Variants in PCDHGA8 observed in about 807,000 individuals in gnomAD.
PCDHGA8 encodes the protein protocadherin gamma subfamily A, 8, also known as protocadherin gamma-A8.
A neutral mutation model predicts 59.2 loss-of-function variants in PCDHGA8; 45 were observed. That is an observed-to-expected ratio of 0.76 (90% CI 0.60 to 0.98). The LOEUF (loss-of-function observed/expected upper bound fraction) is 0.98, where lower values mean the gene tolerates loss of function less well. PCDHGA8 is among the 50% of genes least tolerant of loss of function. The pLI is 0.00. For missense variants in PCDHGA8, 1,257 were observed against 1,196.2 expected, an observed-to-expected ratio of 1.05 and a Z score of -0.75; for synonymous variants, 531 against 519.0, an observed-to-expected ratio of 1.02 and a Z score of -0.32.
Position 141,431,690 on chromosome 5 carries a change from G to A in PCDHGA8, c.2424+36453G>A. 1.2e-6 allele frequency: 2 copies of A among 1,614,234 alleles called. No individual in the cohort carries two copies. Among genetic ancestry groups the A allele is most frequent in the Non-Finnish European group, 8.5e-7 (1 of 1,180,040 alleles). On this transcript the variant is annotated intron_variant, in intron 1 of 3. Coordinates refer to ENST00000398604, the MANE Select transcript of PCDHGA8 (RefSeq NM_032088.2). The surrounding 1 kb of genome is among the most constrained non-coding windows in gnomAD (Gnocchi z 4.8). ...AACAATAGGGGAGTTGGACCACGAG[G>A]AGTCAGGATTCTACCAGATGGAAGT... is the stretch of plus-strand genomic sequence containing the variant.
chr5:141,399,210 A>G, intron 1 of PCDHGA8: 2 of 1,613,974 alleles, frequency 1.2e-6, no homozygotes, highest in Non-Finnish European at 1.7e-6. Context: ...CTGGAACACT[A>G]ATTGCTTTGA....
intron 1 of PCDHGA8, among the ~76,000 whole-genome samples, chr5:141,438,591 CATATATATATATATATATAT>C (rs946798767): frequency 2.1e-4 from 16 of 75,572 alleles, no homozygotes; most frequent in Middle Eastern, 0.016. Context: ...TACATACATA[CATATATATATATATATATAT>C]ATATATATAT....
intron 1 of PCDHGA8, among the ~76,000 whole-genome samples, chr5:141,483,679 CAGAA>C (rs1470395939): frequency 6.7e-6 from 1 of 149,028 alleles, no homozygotes; most frequent in Non-Finnish European, 1.5e-5. Flanking sequence ...TAAAAGAACA[CAGAA>C]AGCCAGATTC....
At chr5:141,475,866 C>T in intron 1 of PCDHGA8, 1 of 504,862 alleles carries the variant, frequency 2.0e-6, no homozygotes, top group South Asian at 2.9e-5. Context: ...GCTCATTCTT[C>T]GTGCAGTTAT....
chr5:141,392,694 CCT>C lies in PCDHGA8; in HGVS notation c.-119_-118del. On this transcript the variant is annotated 5_prime_UTR_variant, in exon 1 of 4. It removes the in-frame stop codon of an upstream open reading frame in the 5' UTR. Transcript: ENST00000398604. ...TGCTGGACTGCAGCGAAACCCGACCCCTGTTTGGAGGCACTCCAGGTTTCCGG... is the reference window on the plus strand; with the variant it reads ...TGCTGGACTGCAGCGAAACCCGACCCGTTTGGAGGCACTCCAGGTTTCCGG... The C allele has an allele frequency of 3.4e-6, 4 of 1,186,390 alleles. No individual in the cohort carries two copies. The highest frequency in any genetic ancestry group is 4.6e-6 in the Non-Finnish European group (4 of 878,022). The allele number at this position is 1,186,390 out of a possible 1,614,324, so 73.5% of individuals were successfully genotyped here. A position where few individuals can be genotyped will look rare whatever the true frequency, so the allele number is the denominator to read the frequency against.
In PCDHGA8 at chr5:141,392,809, CA is replaced by C; in HGVS notation, c.-3del. On this transcript the variant is annotated 5_prime_UTR_variant, in exon 1 of 4. Coordinates refer to ENST00000398604, the MANE Select transcript of PCDHGA8 (RefSeq NM_032088.2). ...ATTCTGAGAGGATTCTGCAGCAAAA[CA>C]ACAATGGCCGCTCCACAGAGTCGCC... is the stretch of plus-strand genomic sequence containing the variant. 1 of 1,578,772 alleles carries C rather than the reference CA, an allele frequency of 6.3e-7. No homozygotes were observed. Among genetic ancestry groups the C allele is most frequent in the Non-Finnish European group, 8.6e-7 (1 of 1,163,762 alleles).
Position 141,491,030 on chromosome 5 carries a change from C to T in PCDHGA8, c.2425-3777C>T. ...GTCACCAAGGTGACAGCCGTGGATG[C>T]TGATGCAGGCCACAATGCGTGGCTC... On this transcript the variant is annotated intron_variant, in intron 1 of 3. Transcript: ENST00000398604. The surrounding 1 kb of genome is among the most constrained non-coding windows in gnomAD (Gnocchi z 6.9). 6.2e-7 allele frequency: 1 copy of T among 1,614,148 alleles called. No individual in the cohort carries two copies. Among genetic ancestry groups the T allele is most frequent in the South Asian group, 1.1e-5 (1 of 91,088 alleles).
chr5:141,423,106 G>T lies in PCDHGA8; in HGVS notation c.2424+27869G>T, dbSNP rs562864937. On this transcript the variant is annotated intron_variant, in intron 1 of 3. Coordinates refer to ENST00000398604, the MANE Select transcript of PCDHGA8 (RefSeq NM_032088.2). ...CGCGGTGGGGGAGCACACGGGCGAGGTGCGTACAGCGCGGGCACTGCTGGA... is the reference window on the plus strand; with the variant it reads ...CGCGGTGGGGGAGCACACGGGCGAGTTGCGTACAGCGCGGGCACTGCTGGA... The T allele has an allele frequency of 1.2e-5, 19 of 1,613,894 alleles. No individual in the cohort carries two copies. The African/African-American group carries it at 2.1e-4, about 18-fold the overall frequency.
rs1303365585 is a variant in PCDHGA8 at position 141,511,350 on chromosome 5, C to A, written c.*177C>A. 2.1e-5 allele frequency: 30 copies of A among 1,397,076 alleles called. No individual in the cohort carries two copies. Among genetic ancestry groups the A allele is most frequent in the African/African-American group, 1.7e-4 (12 of 68,780 alleles). The allele number at this position is 1,397,076 out of a possible 1,614,324, so 86.5% of individuals were successfully genotyped here. Reference sequence around the variant, plus strand: ...CCCAGTCAGCACCTACCCCTTCCCCCCCAGGGGGTTGAATATGCAAAAGCA... The same window carrying A: ...CCCAGTCAGCACCTACCCCTTCCCCACCAGGGGGTTGAATATGCAAAAGCA... On this transcript the variant is annotated 3_prime_UTR_variant, in exon 4 of 4. Transcript: ENST00000398604.
intron 1 of PCDHGA8, chr5:141,478,367 C>T (rs2099451272): frequency 1.2e-6 from 2 of 1,613,750 alleles, no homozygotes; most frequent in South Asian, 2.2e-5. Context: ...GCGGGGAGGC[C>T]TGATGTCGCC....
At chr5:141,410,705 A>G (rs1462423983) in intron 1 of PCDHGA8, 1 of 1,460,780 alleles carries the variant, frequency 6.8e-7, no homozygotes, top group Non-Finnish European at 9.1e-7. Context: ...TTTCATATCT[A>G]GAATCATATG....
chr5:141,419,651 TC>T, intron 1 of PCDHGA8: 28 of 1,612,632 alleles, frequency 1.7e-5, no homozygotes, highest in Non-Finnish European at 2.3e-5. Flanking sequence ...GGACGCGGAC[TC>T]GGGGCACAAT....
intron 1 of PCDHGA8, among the ~76,000 whole-genome samples, chr5:141,492,760 C>T (rs991820569): frequency 1.3e-5 from 2 of 152,212 alleles, no homozygotes; most frequent in Admixed American, 1.3e-4. Context: ...CAGGGCTCCG[C>T]GTTGGGCGAG....
intron 1 of PCDHGA8, chr5:141,395,493 A>T: frequency 2.0e-6 from 1 of 490,474 alleles, no homozygotes; most frequent in Non-Finnish European, 3.5e-6. Context: ...ATTATCACTC[A>T]TTCACTTAAG....
At chr5:141,396,974 T>C (rs947865597) in intron 1 of PCDHGA8, among the ~76,000 whole-genome samples, 3 of 152,218 alleles carry the variant, frequency 2.0e-5, no homozygotes, top group Admixed American at 6.5e-5. Flanking sequence ...CCTAAAAATG[T>C]TGGCTAGTTG....
At chr5:141,420,234 T>G (rs766733064) in intron 1 of PCDHGA8, 1 of 1,600,030 alleles carries the variant, frequency 6.2e-7, no homozygotes, top group Non-Finnish European at 8.5e-7. Flanking sequence ...GCTAGCATTT[T>G]AACTCCCAGC....
At chr5:141,412,424 C>G (rs1383441983) in intron 1 of PCDHGA8, 1 of 152,136 alleles carries the variant, frequency 6.6e-6, no homozygotes, top group Non-Finnish European at 1.5e-5. Flanking sequence ...ATGTTTTACA[C>G]AAAAAGGTTA....
At chr5:141,398,006 A>G in intron 1 of PCDHGA8, 1 of 1,396,152 alleles carries the variant, frequency 7.2e-7, no homozygotes. Context: ...TCGGAAAAAG[A>G]ATCGTTTCCT....
At chr5:141,443,344 G>T (rs1016738767) in intron 1 of PCDHGA8, among the ~76,000 whole-genome samples, 2 of 151,966 alleles carry the variant, frequency 1.3e-5, no homozygotes, top group African/African-American at 2.4e-5. Context: ...AATTAACAAG[G>T]TTTAGTGGTC....
Sources: allele counts gnomAD v4.1 joint callset (sites outside exome capture counted in the v4.1 genomes callset), GRCh38; gene constraint gnomAD v4.1.1; non-coding constraint Gnocchi (gnomAD v3.1); transcripts MANE v1.5; gene names NCBI Gene and HGNC (gene_info 2026-07-23, HGNC 2026-07-21).